The following SMYD3 variants were observed in gnomAD, a reference collection of about 807,000 sequenced individuals.
SMYD3 encodes the protein histone-lysine N-methyltransferase SMYD3.
In SMYD3, 36 loss-of-function variants were observed where a neutral mutation model predicts 57.7. The ratio of observed to expected loss-of-function variants is 0.62; its 90% confidence interval spans 0.48 to 0.82. The LOEUF is 0.82. SMYD3 is among the 40% of genes least tolerant of loss of function. The pLI is 0.00. For missense variants in SMYD3, 515 were observed against 538.8 expected (o/e 0.96, Z 0.44); for synonymous variants, 211 against 195.0 (o/e 1.08, Z -0.68).
At chr1:246,020,657 A>G (rs1026574875) in intron 5 of SMYD3, among the ~76,000 whole-genome samples, 1 of 152,210 alleles carries the variant, frequency 6.6e-6, no homozygotes, top group Non-Finnish European at 1.5e-5. Flanking sequence ...TAAATGCTCT[A>G]TCGGTGTAAA....
At chr1:246,397,133 A>G (rs2066685957) in intron 1 of SMYD3, among the ~76,000 whole-genome samples, 1 of 152,206 alleles carries the variant, frequency 6.6e-6, no homozygotes, top group Non-Finnish European at 1.5e-5. Context: ...GCACGACAGG[A>G]GGTGAGTAGC....
intron 5 of SMYD3, among the ~76,000 whole-genome samples, chr1:245,965,915 G>A (rs1323120963): frequency 6.6e-6 from 1 of 152,054 alleles, no homozygotes. Flanking sequence ...TAGGTTCATC[G>A]ACTTTAGCAA....
intron 8 of SMYD3, among the ~76,000 whole-genome samples, chr1:245,904,494 A>C (rs1348617747): frequency 6.6e-6 from 1 of 152,208 alleles, no homozygotes; most frequent in Non-Finnish European, 1.5e-5. Flanking sequence ...TAGAGGAGAA[A>C]GGAAAAGCAA....
At chr1:246,033,052 AT>A (rs2059706756) in intron 5 of SMYD3, among the ~76,000 whole-genome samples, 1 of 152,194 alleles carries the variant, frequency 6.6e-6, no homozygotes, top group Admixed American at 6.5e-5. Context: ...ATTCCTGAGC[AT>A]TTATCCCAAA....
chr1:245,956,454 G>A (rs1251065811), intron 5 of SMYD3, among the ~76,000 whole-genome samples: 1 of 152,226 alleles, frequency 6.6e-6, no homozygotes, highest in East Asian at 1.9e-4. Flanking sequence ...AAGTGAGGGA[G>A]CAAAACAGGA....
Position 246,161,704 on chromosome 1 carries a change from T to C in SMYD3, c.531+165497A>G, listed in dbSNP as rs367898190. ...GCTTAAAAGTATTGTTCTTCTAAAATGTAAAAAGAGAATCAAATACAGGTC... is the reference window on the plus strand; with the variant it reads ...GCTTAAAAGTATTGTTCTTCTAAAACGTAAAAAGAGAATCAAATACAGGTC... On this transcript the variant is annotated intron_variant, in intron 5 of 11. Transcript: ENST00000490107. Among the ~76,000 whole-genome samples, 6 of 152,328 alleles carry C rather than the reference T, an allele frequency of 3.9e-5. No individual in the cohort carries two copies. The South Asian group carries it at 6.2e-4, about 16-fold the overall frequency.
At chr1:246,225,064 T>C (rs754383904) in intron 5 of SMYD3, among the ~76,000 whole-genome samples, 2 of 151,768 alleles carry the variant, frequency 1.3e-5, no homozygotes, top group Admixed American at 1.3e-4. Flanking sequence ...TTTTAGTATA[T>C]TGGCATCAAA....
chr1:246,277,607 C>T, intron 5 of SMYD3, among the ~76,000 whole-genome samples: 1 of 152,116 alleles, frequency 6.6e-6, no homozygotes, highest in East Asian at 1.9e-4. Flanking sequence ...TTCACAATAC[C>T]TAATCAGGGG....
At chr1:246,271,084 T>C (rs1305115607) in intron 5 of SMYD3, among the ~76,000 whole-genome samples, 1 of 152,244 alleles carries the variant, frequency 6.6e-6, no homozygotes, top group African/African-American at 2.4e-5. Flanking sequence ...TAAGCATCTT[T>C]TCATGTGCTT....
intron 5 of SMYD3, among the ~76,000 whole-genome samples, chr1:246,298,828 G>GT (rs1157571716): frequency 6.6e-6 from 1 of 152,046 alleles, no homozygotes; most frequent in Admixed American, 6.6e-5. Flanking sequence ...AAGTCTCATG[G>GT]TTTTATTATG....
At chr1:245,924,401 G>A (rs2056214155) in intron 7 of SMYD3, among the ~76,000 whole-genome samples, 1 of 152,116 alleles carries the variant, frequency 6.6e-6, no homozygotes, top group Non-Finnish European at 1.5e-5. Context: ...AAATGTTGCT[G>A]GTTTGCAAGG....
At chr1:246,471,896 G>C (rs980954515) in intron 1 of SMYD3, among the ~76,000 whole-genome samples, 1 of 152,128 alleles carries the variant, frequency 6.6e-6, no homozygotes, top group Non-Finnish European at 1.5e-5. Flanking sequence ...TAATTAGCAG[G>C]AAGCACAACC....
intron 1 of SMYD3, among the ~76,000 whole-genome samples, chr1:246,367,772 CAGAGA>C (rs1365035244): frequency 6.6e-6 from 1 of 152,150 alleles, no homozygotes; most frequent in Non-Finnish European, 1.5e-5. Context: ...ATGTATCAGT[CAGAGA>C]AAAGTGATTT....
At chr1:246,082,979 G>C (rs375705497) in intron 5 of SMYD3, among the ~76,000 whole-genome samples, 1 of 145,052 alleles carries the variant, frequency 6.9e-6, no homozygotes, top group South Asian at 2.3e-4. Context: ...CAAACACTGC[G>C]GAAGGCTGCA....
intron 3 of SMYD3, among the ~76,000 whole-genome samples, chr1:246,331,076 A>G (rs997775283): frequency 2.0e-5 from 3 of 152,208 alleles, no homozygotes; most frequent in Non-Finnish European, 4.4e-5. Flanking sequence ...TCAAGCTTGC[A>G]ATGAGCTATG....
At chr1:245,918,754 T>G (rs1274120825) in intron 7 of SMYD3, among the ~76,000 whole-genome samples, 1 of 152,186 alleles carries the variant, frequency 6.6e-6, no homozygotes, top group Non-Finnish European at 1.5e-5. Flanking sequence ...AGGTAGCAAA[T>G]GAGCGCATCC....
At chr1:245,932,448 G>T (rs1254818468) in intron 5 of SMYD3, among the ~76,000 whole-genome samples, 1 of 152,086 alleles carries the variant, frequency 6.6e-6, no homozygotes, top group African/African-American at 2.4e-5. Context: ...CCATTTACTT[G>T]CCATCATACA....
intron 10 of SMYD3, among the ~76,000 whole-genome samples, chr1:245,803,913 A>ATTCT (rs542710254): frequency 3.5e-4 from 26 of 73,322 alleles, no homozygotes; most frequent in South Asian, 7.2e-4. Flanking sequence ...GTAAGTCAGT[A>ATTCT]TTTTTTTTTT....
chr1:246,041,518 C>A (rs1035446064), intron 5 of SMYD3, among the ~76,000 whole-genome samples: 10 of 152,174 alleles, frequency 6.6e-5, no homozygotes, highest in Non-Finnish European at 5.9e-5. Context: ...AAAGGAAAGT[C>A]TCTGTGTGTG....
Sources: gnomAD v4.1 joint callset for allele counts (sites outside exome capture counted in the v4.1 genomes callset) on GRCh38, gnomAD v4.1.1 for gene constraint, MANE v1.5 for transcripts, NCBI Gene and HGNC (gene_info 2026-07-23, HGNC 2026-07-21) for gene names.